Variants in ACTR3C observed in about 807,000 individuals in gnomAD.
The protein encoded by ACTR3C is actin related protein 3C.
ACTR3C carries 18 observed loss-of-function variants against 26.3 expected under a neutral mutation model. The observed-to-expected ratio is 0.68, with a 90% CI of 0.47 to 1.01. The LOEUF (loss-of-function observed/expected upper bound fraction) is 1.01, where lower values mean the gene tolerates loss of function less well. ACTR3C is among the 50% of genes least tolerant of loss of function. The probability of loss-of-function intolerance (pLI) is 0.00; values close to 1 mark genes in which losing one functional copy is unlikely to be tolerated. For missense variants in ACTR3C, 184 were observed against 250.7 expected, an observed-to-expected ratio of 0.73 and a Z score of 1.80; for synonymous variants, 55 against 94.5, an observed-to-expected ratio of 0.58 and a Z score of 2.42.
At chr7:150,293,795 G>T (rs1563189913) in intron 2 of ACTR3C, among the ~76,000 whole-genome samples, 1 of 152,122 alleles carries the variant, frequency 6.6e-6, no homozygotes, top group Non-Finnish European at 1.5e-5. Flanking sequence ...AATTAGCCAG[G>T]CGTGGTGACA....
intron 1 of ACTR3C, among the ~76,000 whole-genome samples, chr7:150,301,256 C>T (rs1349297703): frequency 3.9e-5 from 6 of 152,112 alleles, no homozygotes; most frequent in African/African-American, 1.2e-4. Context: ...GGGGAAGTAT[C>T]AGGAGAGAAA....
At chr7:150,040,697 C>A in the ACTR3C span, 1 of 146,632 alleles carries the variant, frequency 6.8e-6, no homozygotes, top group African/African-American at 2.7e-5. Flanking sequence ...TTGAACACCT[C>A]ATACCCACAG....
chr7:150,229,615 G>T, the ACTR3C span, among the ~76,000 whole-genome samples: 3,591 of 151,618 alleles, frequency 0.024, 82 homozygotes, highest in East Asian at 0.081. Flanking sequence ...CTCCTGAGTA[G>T]CTGGGACTAC....
chr7:149,992,532 T>C, the ACTR3C span, among the ~76,000 whole-genome samples: 43 of 152,180 alleles, frequency 2.8e-4, no homozygotes, highest in Non-Finnish European at 5.3e-4. Flanking sequence ...ATATGAGAAA[T>C]GCACAACCCC....
chr7:149,990,886 C>A, the ACTR3C span, among the ~76,000 whole-genome samples: 1 of 152,238 alleles, frequency 6.6e-6, no homozygotes, highest in South Asian at 2.1e-4. Flanking sequence ...ACAGCTGGGC[C>A]CAGGGTACAC....
the ACTR3C span, among the ~76,000 whole-genome samples, chr7:150,073,134 C>T: frequency 6.6e-6 from 1 of 152,076 alleles, no homozygotes; most frequent in Non-Finnish European, 1.5e-5. Flanking sequence ...AGAATAAAGC[C>T]CACAAGAATG....
At chr7:150,222,568 T>C in the ACTR3C span, among the ~76,000 whole-genome samples, 1 of 152,306 alleles carries the variant, frequency 6.6e-6, no homozygotes, top group South Asian at 2.1e-4. Flanking sequence ...ATTACTTGTG[T>C]ATTTTCCTTC....
At chr7:150,039,435 T>G in the ACTR3C span, among the ~76,000 whole-genome samples, 9 of 14,110 alleles carry the variant, frequency 6.4e-4, no homozygotes, top group African/African-American at 1.2e-3. Flanking sequence ...CTCGCGGGGG[T>G]GCCTCCCCCC....
the ACTR3C span, among the ~76,000 whole-genome samples, chr7:150,211,025 A>C: frequency 6.6e-6 from 1 of 150,576 alleles, no homozygotes; most frequent in African/African-American, 2.5e-5. Flanking sequence ...ATAATTTATA[A>C]CTTTATGCAA....
intron 6 of ACTR3C, among the ~76,000 whole-genome samples, chr7:150,265,312 T>C (rs1321045499): frequency 2.6e-5 from 4 of 151,772 alleles, no homozygotes; most frequent in Non-Finnish European, 4.4e-5. Flanking sequence ...TTTAATACAT[T>C]TAAATTCCAC....
chr7:149,946,144 A>G, the ACTR3C span, among the ~76,000 whole-genome samples: 16,992 of 152,168 alleles, frequency 0.11, 3,195 homozygotes, highest in African/African-American at 0.39. Context: ...ATGAAAGGGG[A>G]TGACATGGAG....
At chr7:150,183,673 C>A in the ACTR3C span, among the ~76,000 whole-genome samples, 3 of 142,334 alleles carry the variant, frequency 2.1e-5, no homozygotes, top group Non-Finnish European at 4.4e-5. Context: ...TTATGACATG[C>A]CCAAAGTTAC....
At chr7:149,998,945 G>C in the ACTR3C span, among the ~76,000 whole-genome samples, 12 of 150,486 alleles carry the variant, frequency 8.0e-5, no homozygotes, top group Admixed American at 1.3e-4. Context: ...AATGCCACAT[G>C]ATGAGGAAGG....
At chr7:150,207,528 A>G in the ACTR3C span, among the ~76,000 whole-genome samples, 1 of 152,108 alleles carries the variant, frequency 6.6e-6, no homozygotes, top group African/African-American at 2.4e-5. Context: ...ATATTTATAC[A>G]TTTTTAGTTT....
the ACTR3C span, among the ~76,000 whole-genome samples, chr7:149,913,882 GT>G: frequency 9.1e-6 from 1 of 109,540 alleles, no homozygotes. Context: ...TAACTCATAT[GT>G]CCCTTTTTTT....
chr7:150,136,183 C>T, the ACTR3C span, among the ~76,000 whole-genome samples: 6 of 152,156 alleles, frequency 3.9e-5, no homozygotes, highest in African/African-American at 1.4e-4. Context: ...ACACTGGCAT[C>T]CCAGGAACAC....
chr7:150,166,361 ACT>A, the ACTR3C span, among the ~76,000 whole-genome samples: 3 of 151,024 alleles, frequency 2.0e-5, no homozygotes, highest in Non-Finnish European at 4.4e-5. Flanking sequence ...TGTTGGGGAT[ACT>A]TCAAATCATT....
At chr7:150,211,053 C>A in the ACTR3C span, among the ~76,000 whole-genome samples, 2 of 150,438 alleles carry the variant, frequency 1.3e-5, no homozygotes, top group Non-Finnish European at 2.9e-5. Flanking sequence ...AGTACTTACT[C>A]ACTAAATATG....
the ACTR3C span, among the ~76,000 whole-genome samples, chr7:150,221,105 G>A: frequency 6.6e-6 from 1 of 152,272 alleles, no homozygotes; most frequent in Non-Finnish European, 1.5e-5. Context: ...AGCTACAGCG[G>A]AGGGATGCGA....
Sources: allele counts gnomAD v4.1 joint callset (sites outside exome capture counted in the v4.1 genomes callset), GRCh38; gene constraint gnomAD v4.1.1; transcripts MANE v1.5; gene names NCBI Gene and HGNC (gene_info 2026-07-23, HGNC 2026-07-21).